The following PTPRO variants were observed in gnomAD, a reference collection of about 807,000 sequenced individuals.
The protein encoded by PTPRO is receptor-type tyrosine-protein phosphatase O.
In PTPRO, 62 loss-of-function variants were observed where a neutral mutation model predicts 145.2. The ratio of observed to expected loss-of-function variants is 0.43; its 90% CI spans 0.35 to 0.53. PTPRO has a LOEUF of 0.53. Ranked by LOEUF, PTPRO falls within the 20% of genes least tolerant of loss-of-function variation. The pLI is 0.01. For missense variants in PTPRO, 1,345 were observed against 1,482.7 expected (o/e 0.91, Z 1.53); for synonymous variants, 565 against 514.7 (o/e 1.10, Z -1.32).
rs1944557665 is a variant in PTPRO, at chr12:15,591,752, A to G, written c.3546+2162A>G. ...GTGGCACACGCCTGTAGTCCCAGCTACTCGGGAGGCTGAGGCAGGAGAATC... is the reference window on the plus strand; with the variant it reads ...GTGGCACACGCCTGTAGTCCCAGCTGCTCGGGAGGCTGAGGCAGGAGAATC... On this transcript the variant is annotated intron_variant, in intron 25 of 26. Coordinates refer to ENST00000281171, the MANE Select transcript of PTPRO (RefSeq NM_030667.3). Among the ~76,000 whole-genome samples, 3 of 152,012 alleles carry G rather than the reference A, an allele frequency of 2.0e-5. No individual in the cohort carries two copies. In the South Asian group the frequency reaches 6.2e-4, roughly 32 times the overall value.
At chr12:15,488,629 C>T (rs1354605222) in intron 2 of PTPRO, among the ~76,000 whole-genome samples, 1 of 152,144 alleles carries the variant, frequency 6.6e-6, no homozygotes. Flanking sequence ...GTGTTAGATG[C>T]TTGTCTTGAT....
chr12:15,583,089 A>T (rs1189462759), intron 23 of PTPRO, among the ~76,000 whole-genome samples: 1 of 152,230 alleles, frequency 6.6e-6, no homozygotes, highest in Non-Finnish European at 1.5e-5. Context: ...CCTTTCTAAT[A>T]GTTAAGGAAA....
chr12:15,528,165 A>G (rs76760806), intron 12 of PTPRO, among the ~76,000 whole-genome samples: 4,841 of 152,006 alleles, frequency 0.032, 113 homozygotes, highest in Middle Eastern at 0.041. Context: ...AAAATACACC[A>G]TTGGAGGAGA....
intron 25 of PTPRO, 81 bp from the exon 26 acceptor site, chr12:15,594,856 G>T: frequency 1.0e-6 from 1 of 988,566 alleles, no homozygotes. Context: ...ACCAGATCTT[G>T]ATCATTAAAA....
At chr12:15,549,632 G>A (rs1393821519) in intron 14 of PTPRO, among the ~76,000 whole-genome samples, 1 of 152,108 alleles carries the variant, frequency 6.6e-6, no homozygotes, top group Admixed American at 6.6e-5. Flanking sequence ...TGATAACTGG[G>A]TCAAAGCAAG....
intron 1 of PTPRO, among the ~76,000 whole-genome samples, chr12:15,466,699 A>G (rs1414862723): frequency 2.0e-5 from 3 of 152,194 alleles, no homozygotes; most frequent in Non-Finnish European, 4.4e-5. Context: ...TTTATAGATG[A>G]AGAACCTAAG....
At chr12:15,458,336 T>C (rs1941226274) in intron 1 of PTPRO, among the ~76,000 whole-genome samples, 1 of 152,100 alleles carries the variant, frequency 6.6e-6, no homozygotes, top group Non-Finnish European at 1.5e-5. Context: ...TCAGTGTGGA[T>C]GTCTTTGGAT....
At chr12:15,564,756 T>C (rs966513853) in intron 17 of PTPRO, among the ~76,000 whole-genome samples, 25 of 152,328 alleles carry the variant, frequency 1.6e-4, no homozygotes, top group African/African-American at 5.8e-4. Context: ...CCTCTGAAAA[T>C]TACTTGCAAA....
At chr12:15,428,845 A>T (rs972502305) in intron 1 of PTPRO, among the ~76,000 whole-genome samples, 1 of 152,090 alleles carries the variant, frequency 6.6e-6, no homozygotes, top group East Asian at 1.9e-4. Flanking sequence ...CAGCATTTCC[A>T]TTCACATTCC....
intron 1 of PTPRO, among the ~76,000 whole-genome samples, chr12:15,476,496 T>G (rs964917075): frequency 3.3e-5 from 5 of 151,534 alleles, no homozygotes; most frequent in African/African-American, 1.2e-4. Flanking sequence ...TTGCGAAAAT[T>G]TTCTCCCATG....
At chr12:15,328,323 C>T (rs561290190) in intron 1 of PTPRO, among the ~76,000 whole-genome samples, 18 of 152,166 alleles carry the variant, frequency 1.2e-4, no homozygotes, top group African/African-American at 4.3e-4. Context: ...GCCAGAAAAG[C>T]GTTCGCAAGT....
At chr12:15,486,472 CT>C (rs1565658345) in intron 2 of PTPRO, among the ~76,000 whole-genome samples, 1 of 151,290 alleles carries the variant, frequency 6.6e-6, no homozygotes, top group South Asian at 2.1e-4. Flanking sequence ...TTGAGTCTTG[CT>C]TTTTTTTTCC....
chr12:15,394,751 C>A (rs1164249097), intron 1 of PTPRO, among the ~76,000 whole-genome samples: 1 of 152,142 alleles, frequency 6.6e-6, no homozygotes, highest in African/African-American at 2.4e-5. Context: ...GCTTCATAAT[C>A]AGGTAGTCAG....
intron 1 of PTPRO, among the ~76,000 whole-genome samples, chr12:15,353,867 C>T (rs1419096390): frequency 6.6e-6 from 1 of 152,128 alleles, no homozygotes; most frequent in Non-Finnish European, 1.5e-5. Flanking sequence ...ACTAGTAAAG[C>T]CATGTTTCAT....
rs74443684 is a variant in PTPRO at position 15,566,200 on chromosome 12, A to G, written c.2747+572A>G. 1.4e-3 allele frequency among the ~76,000 whole-genome samples: 208 copies of G among 152,328 alleles called. 2 individuals are homozygous for G. In the East Asian group the frequency reaches 0.038, roughly 28 times the overall value. On this transcript the variant is annotated intron_variant, in intron 18 of 26. Transcript: ENST00000281171. Reference sequence around the variant, plus strand: ...CCAGTTGATTTCAAAAGCCTATTAGATTATCACCTCCATGCCTTTTCTTAG... The same window carrying G: ...CCAGTTGATTTCAAAAGCCTATTAGGTTATCACCTCCATGCCTTTTCTTAG...
chr12:15,474,692 A>G (rs1941616981), intron 1 of PTPRO, among the ~76,000 whole-genome samples: 1 of 152,228 alleles, frequency 6.6e-6, no homozygotes, highest in Non-Finnish European at 1.5e-5. Flanking sequence ...ATTTTTTTAC[A>G]TTAACCAAAT....
At chr12:15,335,018 T>G (rs1323995451) in intron 1 of PTPRO, among the ~76,000 whole-genome samples, 1 of 152,118 alleles carries the variant, frequency 6.6e-6, no homozygotes, top group Non-Finnish European at 1.5e-5. Context: ...CCAATTTTAG[T>G]CAAGTTGGTG....
At chr12:15,429,419 A>G in intron 1 of PTPRO, among the ~76,000 whole-genome samples, 1 of 152,184 alleles carries the variant, frequency 6.6e-6, no homozygotes, top group East Asian at 1.9e-4. Flanking sequence ...TGATCTAAGA[A>G]GGCTTTCCTG....
At chr12:15,424,680 C>T (rs1342862082) in intron 1 of PTPRO, among the ~76,000 whole-genome samples, 1 of 151,792 alleles carries the variant, frequency 6.6e-6, no homozygotes, top group Non-Finnish European at 1.5e-5. Context: ...GAAGGTATCC[C>T]AGAAGAAAAA....
Sources: gnomAD v4.1 joint callset for allele counts (sites outside exome capture counted in the v4.1 genomes callset) on GRCh38, gnomAD v4.1.1 for gene constraint, MANE v1.5 for transcripts, NCBI Gene and HGNC (gene_info 2026-07-23, HGNC 2026-07-21) for gene names.